The following CHST11 variants were observed in gnomAD, a reference collection of about 807,000 sequenced individuals.
CHST11 encodes the protein carbohydrate sulfotransferase 11, also known as C4S-1.
CHST11 carries 9 observed loss-of-function variants against 30.4 expected under a neutral mutation model. The ratio of observed to expected loss-of-function variants is 0.30; its 90% CI spans 0.18 to 0.52. CHST11 has a LOEUF of 0.52. CHST11 is among the 20% of genes least tolerant of loss of function. CHST11 has a pLI of 0.97. For synonymous variants in CHST11, 152 were observed against 187.8 expected (o/e 0.81, Z 1.56); for missense variants, 348 against 460.6 (o/e 0.76, Z 2.24).
chr12:104,628,867 C>A (rs1398303327), intron 2 of CHST11, among the ~76,000 whole-genome samples: 2 of 152,150 alleles, frequency 1.3e-5, no homozygotes, highest in African/African-American at 2.4e-5. Context: ...TTATGACTTT[C>A]TGGTTATTTA....
At chr12:104,564,181 C>T (rs1420380201) in intron 1 of CHST11, among the ~76,000 whole-genome samples, 3 of 152,090 alleles carry the variant, frequency 2.0e-5, no homozygotes, top group Admixed American at 6.6e-5. Flanking sequence ...TGGGTCTCCT[C>T]GGTGTGTCTT....
rs754259611 is a variant in CHST11, at chr12:104,600,782, C to T, written c.119-1124C>T. On this transcript the variant is annotated intron_variant, in intron 1 of 2. Coordinates refer to ENST00000303694, the MANE Select transcript of CHST11 (RefSeq NM_018413.6). This position sits in a 1 kb window ranked among gnomAD's most constrained non-coding sequence, Gnocchi z 4.1. ...TGTTCCACTCATGCCACTGTTGCAC[C>T]TCAAACCATAAGAAAACTGCCTCGT... Among the ~76,000 whole-genome samples the T allele has an allele frequency of 2.0e-4, 31 of 152,152 alleles. No homozygotes were observed. Among genetic ancestry groups the T allele is most frequent in the Non-Finnish European group, 2.4e-4 (16 of 68,020 alleles).
chr12:104,710,812 G>A (rs538290825), intron 2 of CHST11, among the ~76,000 whole-genome samples: 1 of 152,162 alleles, frequency 6.6e-6, no homozygotes, highest in African/African-American at 2.4e-5. Flanking sequence ...ATATGGGCAG[G>A]TGTGACTTCC....
intron 1 of CHST11, among the ~76,000 whole-genome samples, chr12:104,503,409 C>T (rs746724420): frequency 6.6e-6 from 1 of 152,210 alleles, no homozygotes; most frequent in Non-Finnish European, 1.5e-5. Flanking sequence ...TGGCCTCGGG[C>T]AAATCGTTAA....
At chr12:104,639,337 T>C (rs1180760294) in intron 2 of CHST11, among the ~76,000 whole-genome samples, 2 of 152,156 alleles carry the variant, frequency 1.3e-5, no homozygotes, top group Non-Finnish European at 2.9e-5. Context: ...GCATCAATCC[T>C]AAAGGCCCCA....
chr12:104,464,362 G>A (rs1387025792), intron 1 of CHST11, among the ~76,000 whole-genome samples: 2 of 152,076 alleles, frequency 1.3e-5, no homozygotes, highest in Admixed American at 6.5e-5. Context: ...ACTGTGCCCA[G>A]CTCTACTTGC....
intron 1 of CHST11, among the ~76,000 whole-genome samples, chr12:104,509,164 T>A (rs1484815825): frequency 6.6e-6 from 1 of 152,180 alleles, no homozygotes; most frequent in Non-Finnish European, 1.5e-5. Flanking sequence ...GCTGTTCTTG[T>A]GATAGTGAGT....
chr12:104,530,970 T>C (rs980884679), intron 1 of CHST11, among the ~76,000 whole-genome samples: 19 of 152,216 alleles, frequency 1.2e-4, no homozygotes, highest in Non-Finnish European at 2.6e-4. Flanking sequence ...CATTAAGGTG[T>C]TGGGGAAGCC....
chr12:104,673,377 G>A (rs541234977), intron 2 of CHST11, among the ~76,000 whole-genome samples: 4 of 152,274 alleles, frequency 2.6e-5, no homozygotes, highest in Admixed American at 1.3e-4. Context: ...TTTCTAGGGT[G>A]AGCCTAGAGC....
chr12:104,547,419 C>T (rs901350278), intron 1 of CHST11, among the ~76,000 whole-genome samples: 7 of 152,292 alleles, frequency 4.6e-5, no homozygotes, highest in African/African-American at 7.2e-5. Context: ...TGGGTGCATG[C>T]GAGTACTTCC....
At chr12:104,531,467 A>G (rs1323724528) in intron 1 of CHST11, among the ~76,000 whole-genome samples, 1 of 96,484 alleles carries the variant, frequency 1.0e-5, no homozygotes, top group Non-Finnish European at 2.2e-5. Flanking sequence ...CCTGTGTCCA[A>G]AAAAAAAAAA....
intron 2 of CHST11, among the ~76,000 whole-genome samples, chr12:104,664,605 G>A (rs10778349): frequency 0.39 from 59,581 of 151,734 alleles, 11,945 homozygotes; most frequent in South Asian, 0.44. Flanking sequence ...TGCCCATGCC[G>A]GCAACAGTCA....
At chr12:104,671,475 C>T (rs1417488466) in intron 2 of CHST11, among the ~76,000 whole-genome samples, 1 of 152,140 alleles carries the variant, frequency 6.6e-6, no homozygotes, top group African/African-American at 2.4e-5. Flanking sequence ...ATTACTGTTA[C>T]CAGCGCGATC....
At chr12:104,490,742 C>T (rs1205118625) in intron 1 of CHST11, among the ~76,000 whole-genome samples, 2 of 152,070 alleles carry the variant, frequency 1.3e-5, no homozygotes, top group African/African-American at 4.8e-5. Context: ...GGATTCTTCA[C>T]CAGAACTGAC....
chr12:104,575,669 G>T (rs559910032), intron 1 of CHST11, among the ~76,000 whole-genome samples: 19 of 152,212 alleles, frequency 1.2e-4, no homozygotes, highest in Admixed American at 4.6e-4. Flanking sequence ...TGGAGTGCAG[G>T]TTGCAGCCTG....
intron 1 of CHST11, among the ~76,000 whole-genome samples, chr12:104,595,477 A>G (rs751416564): frequency 4.6e-5 from 7 of 152,102 alleles, no homozygotes; most frequent in African/African-American, 7.2e-5. Context: ...TGTTTAACCC[A>G]TGGTTCTACA....
chr12:104,756,166 T>C (rs2040472773), intron 2 of CHST11, among the ~76,000 whole-genome samples: 1 of 152,176 alleles, frequency 6.6e-6, no homozygotes, highest in Non-Finnish European at 1.5e-5. Context: ...ATACTGAACT[T>C]TCATGAGTGG....
chr12:104,628,504 T>C (rs1360015853), intron 2 of CHST11, among the ~76,000 whole-genome samples: 4 of 152,230 alleles, frequency 2.6e-5, no homozygotes, highest in African/African-American at 9.6e-5. Context: ...TTTGGGCCAC[T>C]GATGCTCAGT....
chr12:104,737,950 G>A (rs1009655398), intron 2 of CHST11, among the ~76,000 whole-genome samples: 2 of 152,138 alleles, frequency 1.3e-5, no homozygotes, highest in Middle Eastern at 3.2e-3. Context: ...GGCATCAGTT[G>A]CCACAGGAAG....
Sources: gnomAD v4.1 joint callset for allele counts (sites outside exome capture counted in the v4.1 genomes callset) on GRCh38, gnomAD v4.1.1 for gene constraint, Gnocchi (gnomAD v3.1) non-coding constraint, MANE v1.5 for transcripts, NCBI Gene and HGNC (gene_info 2026-07-23, HGNC 2026-07-21) for gene names.